Variants in ABLIM3 observed in about 807,000 individuals in gnomAD.
The protein encoded by ABLIM3 is actin-binding LIM protein 3.
ABLIM3 carries 61 observed loss-of-function variants against 109.5 expected under a neutral mutation model. That is an observed-to-expected ratio of 0.56 (90% confidence interval 0.45 to 0.69). The LOEUF is 0.69. ABLIM3 is among the 30% of genes least tolerant of loss of function. ABLIM3 has a pLI of 0.00. For synonymous variants in ABLIM3, 300 were observed against 324.8 expected, an observed-to-expected ratio of 0.92 and a Z score of 0.82; for missense variants, 796 against 889.5, an observed-to-expected ratio of 0.89 and a Z score of 1.34.
intron 2 of ABLIM3, among the ~76,000 whole-genome samples, chr5:149,146,622 T>TGTAG (rs1354549384): frequency 1.3e-5 from 2 of 152,230 alleles, no homozygotes; most frequent in South Asian, 2.1e-4. Flanking sequence ...ATCAGATGGC[T>TGTAG]GTAGGTATGT....
At position 149,259,936 on chromosome 5, in the gene ABLIM3, A is replaced by T; in HGVS notation, c.*1532A>T. 1.3e-5 allele frequency: 3 copies of T among 234,648 alleles called. No homozygotes were observed. Among genetic ancestry groups the T allele is most frequent in the Admixed American group, 5.1e-5 (1 of 19,548 alleles). 14.5% of individuals were successfully genotyped at this position (234,648 alleles called of 1,614,324 possible). A position where few individuals can be genotyped will look rare whatever the true frequency, so the allele number is the denominator to read the frequency against. ...ACTGAGCACTGAATGGGGGAGGGGG[A>T]GGGGAGCACGGGGTGAGTCAACCTG... On this transcript the variant is annotated 3_prime_UTR_variant, in exon 24 of 24. Transcript: ENST00000309868.
At chr5:149,161,235 C>G (rs1754337375) in intron 2 of ABLIM3, among the ~76,000 whole-genome samples, 1 of 152,220 alleles carries the variant, frequency 6.6e-6, no homozygotes, top group Non-Finnish European at 1.5e-5. Context: ...TGTTTTGGGT[C>G]TGTGACATCA....
chr5:149,179,264 C>T (rs1756247504), intron 2 of ABLIM3, among the ~76,000 whole-genome samples: 1 of 151,298 alleles, frequency 6.6e-6, no homozygotes, highest in African/African-American at 2.5e-5. Context: ...TGTTTCAGAT[C>T]CCTAATTTTT....
chr5:149,216,908 T>G, intron 7 of ABLIM3, 51 bp from the exon 8 acceptor site: 1 of 1,525,658 alleles, frequency 6.6e-7, no homozygotes, highest in Non-Finnish European at 9.1e-7. Context: ...TCTGCCCCAC[T>G]AGACAGCAGC....
intron 8 of ABLIM3, among the ~76,000 whole-genome samples, chr5:149,222,661 CTTT>C (rs552243427): frequency 3.2e-5 from 4 of 124,418 alleles, no homozygotes; most frequent in African/African-American, 3.1e-5. Context: ...TTTCAGATTA[CTTT>C]TTTTTTTTTT....
chr5:149,144,057 T>C (rs1752713582), intron 2 of ABLIM3, among the ~76,000 whole-genome samples: 1 of 152,154 alleles, frequency 6.6e-6, no homozygotes, highest in Non-Finnish European at 1.5e-5. Flanking sequence ...GGAAACAGAC[T>C]ATCCTTCTTT....
At chr5:149,229,987 G>T (rs1413858932) in intron 8 of ABLIM3, among the ~76,000 whole-genome samples, 1 of 152,200 alleles carries the variant, frequency 6.6e-6, no homozygotes, top group Non-Finnish European at 1.5e-5. Flanking sequence ...TATACACCAT[G>T]ACACCTCCTC....
chr5:149,252,948 C>G, intron 23 of ABLIM3, 111 bp downstream of exon 23: 1 of 785,110 alleles, frequency 1.3e-6, no homozygotes, highest in Non-Finnish European at 2.1e-6. Flanking sequence ...TAAGATCACA[C>G]AGCTTATTGA....
intron 10 of ABLIM3, among the ~76,000 whole-genome samples, chr5:149,236,107 C>G (rs1462057322): frequency 6.6e-6 from 1 of 152,174 alleles, no homozygotes; most frequent in African/African-American, 2.4e-5. Flanking sequence ...CTAAACCCAA[C>G]TGAAAGTCAG....
chr5:149,153,865 C>T (rs1432684130), intron 2 of ABLIM3, among the ~76,000 whole-genome samples: 6 of 152,200 alleles, frequency 3.9e-5, no homozygotes, highest in Non-Finnish European at 7.3e-5. Context: ...CTCCACATGC[C>T]GCCCTGCTGT....
At position 149,198,748 on chromosome 5, in the gene ABLIM3, C is replaced by T. The variant is rs184162101; in HGVS notation, c.335+346C>T. The stretch of plus-strand genomic sequence containing the variant: ...CAGTTTGGAAACTGTGGATCTGGCC[C>T]ATCCTCCCACACCCTCATCCACAGG... On this transcript the variant is annotated intron_variant, in intron 4 of 23. Coordinates refer to ENST00000309868, the MANE Select transcript of ABLIM3 (RefSeq NM_014945.5). This position sits in a 1 kb window ranked among gnomAD's most constrained non-coding sequence, Gnocchi z 4.2. Among the ~76,000 whole-genome samples the T allele has an allele frequency of 4.1e-4, 63 of 152,288 alleles. No homozygotes were observed. Among genetic ancestry groups the T allele is most frequent in the Non-Finnish European group, 8.8e-4 (60 of 68,022 alleles).
Position 149,259,573 on chromosome 5 carries a change from T to C in ABLIM3, c.*1169T>C. The C allele has an allele frequency of 6.5e-7, 1 of 1,535,984 alleles. No homozygotes were observed. Among genetic ancestry groups the C allele is most frequent in the Non-Finnish European group, 8.7e-7 (1 of 1,146,788 alleles). On this transcript the variant is annotated 3_prime_UTR_variant, in exon 24 of 24. Transcript: ENST00000309868. ...AAACTTTTGGAAGAGTGGCTGCTTA[T>C]GAGATTCCAAAATGAAGTGTTGGCC...
chr5:149,160,141 C>G (rs754819918), intron 2 of ABLIM3, among the ~76,000 whole-genome samples: 3 of 152,138 alleles, frequency 2.0e-5, no homozygotes, highest in Non-Finnish European at 4.4e-5. Context: ...TGGAGTATCC[C>G]CAGTTCTTAG....
chr5:149,169,755 T>C (rs1161449196), intron 2 of ABLIM3, among the ~76,000 whole-genome samples: 1 of 152,160 alleles, frequency 6.6e-6, no homozygotes, highest in Non-Finnish European at 1.5e-5. Flanking sequence ...GTGAGTCACA[T>C]GAGAGCAGGG....
At chr5:149,226,907 C>A (rs769563057) in intron 8 of ABLIM3, among the ~76,000 whole-genome samples, 14 of 151,854 alleles carry the variant, frequency 9.2e-5, no homozygotes, top group African/African-American at 1.2e-4. Context: ...CCCATCTCTA[C>A]TAAAAATACA....
intron 10 of ABLIM3, among the ~76,000 whole-genome samples, chr5:149,236,290 C>G (rs1752177664): frequency 6.6e-6 from 1 of 152,184 alleles, no homozygotes; most frequent in Non-Finnish European, 1.5e-5. Flanking sequence ...TTCAAAATAG[C>G]ACAGCTTATA....
intron 3 of ABLIM3, among the ~76,000 whole-genome samples, chr5:149,187,336 G>A (rs1026002981): frequency 1.3e-5 from 2 of 152,162 alleles, no homozygotes; most frequent in Non-Finnish European, 2.9e-5. Context: ...AAAGTAGCCA[G>A]GGAGAAAAGA....
chr5:149,170,937 C>A (rs1215968899), intron 2 of ABLIM3, among the ~76,000 whole-genome samples: 3 of 152,098 alleles, frequency 2.0e-5, no homozygotes, highest in Non-Finnish European at 4.4e-5. Context: ...GTACCAACAA[C>A]TTCATAAAAA....
intron 2 of ABLIM3, among the ~76,000 whole-genome samples, chr5:149,145,783 C>A (rs550402623): frequency 7.2e-6 from 1 of 138,644 alleles, no homozygotes; most frequent in Non-Finnish European, 1.6e-5. Flanking sequence ...TTATTCGCCA[C>A]GTGTATGTCT....
Sources: allele counts gnomAD v4.1 joint callset (sites outside exome capture counted in the v4.1 genomes callset), GRCh38; gene constraint gnomAD v4.1.1; non-coding constraint Gnocchi (gnomAD v3.1); transcripts MANE v1.5; gene names NCBI Gene and HGNC (gene_info 2026-07-23, HGNC 2026-07-21).